ZZEF1: variants seen among roughly 807,000 people sequenced by gnomAD.
ZZEF1 encodes the protein zinc finger ZZ-type and EF-hand domain-containing protein 1.
ZZEF1 carries 157 observed loss-of-function variants against 342.8 expected under a neutral mutation model. The observed-to-expected ratio is 0.46, with a 90% CI of 0.40 to 0.52. The LOEUF is 0.52. Ranked by LOEUF, ZZEF1 falls within the 20% of genes least tolerant of loss-of-function variation. The pLI is 0.00. For missense variants in ZZEF1, 3,480 were observed against 3,725.6 expected (o/e 0.93, Z 1.72); for synonymous variants, 1,505 against 1,429.1 (o/e 1.05, Z -1.20).
Position 4,056,262 on chromosome 17 carries a change from G to C in ZZEF1, c.5249C>G (p.Ala1750Gly). 2 of 1,592,802 alleles carry C rather than the reference G, an allele frequency of 1.3e-6. No homozygotes were observed. The highest frequency in any genetic ancestry group is 1.7e-6 in the Non-Finnish European group (2 of 1,169,494). ...TTCCTGGGCTATTTTTTCATACCAG[G>C]CCTCAAACATGCCATCCTGACACTC... ...MDECQDGMFE[A>G]WYEKIAQEDP... Residue 1750 changes from alanine (A) to glycine (G), a missense_variant, in exon 33 of 55, where the codon GCC (alanine) becomes GGC (glycine). Ala to Gly is a moderately conservative substitution (Grantham distance 60, BLOSUM62 0). This residue lies in a region of ZZEF1 where 175 missense variants were observed against 254.6 expected (regional missense o/e 0.69). Transcript: ENST00000381638.
At chr17:4,104,936 C>A in intron 7 of ZZEF1, 125 bp from the exon 8 acceptor site, 3 of 774,754 alleles carry the variant, frequency 3.9e-6, no homozygotes, top group East Asian at 2.9e-5. Flanking sequence ...CAGGTTTATC[C>A]GAAATATTTT....
intron 54 of ZZEF1, 89 bp from the exon 55 acceptor site, chr17:4,007,059 A>T (rs1392729029): frequency 8.3e-7 from 1 of 1,211,756 alleles, no homozygotes; most frequent in Non-Finnish European, 1.1e-6. Flanking sequence ...AGCACTGAGG[A>T]TGTGGGGACG....
chr17:4,064,854 T>TTAA, intron 28 of ZZEF1, 25 bp from the exon 29 acceptor site: 1 of 1,171,984 alleles, frequency 8.5e-7, no homozygotes. Flanking sequence ...GAATCATAAT[T>TTAA]GAAAAAAAAA....
intron 30 of ZZEF1, among the ~76,000 whole-genome samples, chr17:4,061,600 A>G (rs1209630073): frequency 6.6e-6 from 1 of 152,144 alleles, no homozygotes; most frequent in African/African-American, 2.4e-5. Flanking sequence ...TAACGTGGCC[A>G]AAACAAAACT....
At chr17:4,033,599 T>C (rs2145060757) in intron 40 of ZZEF1, 1 of 184,692 alleles carries the variant, frequency 5.4e-6, no homozygotes, top group South Asian at 1.1e-4. Flanking sequence ...TCCACCAGCC[T>C]CAGCCTCCCA....
chr17:4,087,431 T>C lies in ZZEF1; in HGVS notation c.2342+3A>G. The C allele has an allele frequency of 6.2e-7, 1 of 1,606,316 alleles. No homozygotes were observed. Among genetic ancestry groups the C allele is most frequent in the Non-Finnish European group, 8.5e-7 (1 of 1,176,582 alleles). On this transcript the variant is annotated splice_donor_region_variant and intron_variant, in intron 14 of 54. Coordinates refer to ENST00000381638, the MANE Select transcript of ZZEF1 (RefSeq NM_015113.4). Reference sequence around the variant, plus strand: ...TATCACCTTATAACAAATTCTGACCTACTTTTGCTTTAATTTACTGTAAAA... The same window carrying C: ...TATCACCTTATAACAAATTCTGACCCACTTTTGCTTTAATTTACTGTAAAA...
At chr17:4,041,499 T>C (rs2056803415) in intron 39 of ZZEF1, among the ~76,000 whole-genome samples, 1 of 152,106 alleles carries the variant, frequency 6.6e-6, no homozygotes. Flanking sequence ...TTCCCCAAAG[T>C]CCTGCCAACT....
intron 15 of ZZEF1, among the ~76,000 whole-genome samples, chr17:4,086,053 C>A (rs749959133): frequency 2.0e-5 from 3 of 152,174 alleles, no homozygotes; most frequent in Non-Finnish European, 4.4e-5. Flanking sequence ...CTTGGCAAAG[C>A]CTTAAATAAA....
At chr17:4,129,476 C>T (rs1177357337) in intron 1 of ZZEF1, among the ~76,000 whole-genome samples, 6 of 152,242 alleles carry the variant, frequency 3.9e-5, no homozygotes, top group Non-Finnish European at 7.4e-5. Flanking sequence ...ACGCAATCAA[C>T]CTAAATGCCC....
At chr17:4,094,635 C>T (rs1388992131) in intron 11 of ZZEF1, among the ~76,000 whole-genome samples, 1 of 152,206 alleles carries the variant, frequency 6.6e-6, no homozygotes, top group Non-Finnish European at 1.5e-5. Context: ...ATCTTCCCCA[C>T]AAACCTGTTT....
rs1314800482 is a variant in ZZEF1 at position 4,087,494 on chromosome 17, AG to A, written c.2281del (p.Leu761TrpfsTer18). The A allele has an allele frequency of 6.2e-7, 1 of 1,611,094 alleles. No individual in the cohort carries two copies. Among genetic ancestry groups the A allele is most frequent in the East Asian group, 2.2e-5 (1 of 44,834 alleles). ...CTGCAAATCAAGACCCGCGAAGTCC[AG>A]AAAAGATTTATATTTTAAGCCACTT... is the stretch of plus-strand genomic sequence containing the variant. ...KESGLKYKSFLDFAGLDLQIF... is the reference protein window; with the variant it reads ...KESGLKYKSFXDFAGLDLQIF... On this transcript the variant is annotated frameshift_variant, in exon 14 of 55. Coordinates refer to ENST00000381638, the MANE Select transcript of ZZEF1 (RefSeq NM_015113.4). LOFTEE classifies it high-confidence loss of function.
intron 2 of ZZEF1, among the ~76,000 whole-genome samples, chr17:4,123,303 ATATAT>A (rs1424979653): frequency 2.9e-5 from 4 of 139,564 alleles, no homozygotes; most frequent in African/African-American, 1.1e-4. Flanking sequence ...ATATATATAT[ATATAT>A]ATCAGAAAAA....
intron 53 of ZZEF1, 111 bp downstream of exon 53, chr17:4,009,493 C>A (rs780816506): frequency 6.8e-7 from 1 of 1,471,566 alleles, no homozygotes. Flanking sequence ...TGTGGCCTGT[C>A]GAGACCCTGG....
chr17:4,068,834 T>G (rs767463945), intron 26 of ZZEF1, among the ~76,000 whole-genome samples: 1 of 152,142 alleles, frequency 6.6e-6, no homozygotes, highest in Admixed American at 6.5e-5. Context: ...TCCCCACCCT[T>G]TCTAACCCCA....
intron 1 of ZZEF1, among the ~76,000 whole-genome samples, chr17:4,125,385 T>A (rs1402234335): frequency 1.3e-5 from 2 of 152,168 alleles, no homozygotes; most frequent in African/African-American, 4.8e-5. Context: ...ATGACTAACA[T>A]AAATACCCCT....
At chr17:4,115,305 G>A (rs955141924) in intron 3 of ZZEF1, among the ~76,000 whole-genome samples, 2 of 152,108 alleles carry the variant, frequency 1.3e-5, no homozygotes, top group South Asian at 4.1e-4. Context: ...GGGATTATAG[G>A]CATCAACCAC....
At chr17:4,019,569 C>CGT in intron 46 of ZZEF1, 100 bp downstream of exon 46, 1 of 1,061,692 alleles carries the variant, frequency 9.4e-7, no homozygotes, top group Admixed American at 2.2e-5. Flanking sequence ...CCTGTCGGAG[C>CGT]GTCGATCGAT....
intron 1 of ZZEF1, among the ~76,000 whole-genome samples, chr17:4,133,982 G>A (rs183288134): frequency 1.1e-4 from 16 of 152,094 alleles, no homozygotes; most frequent in African/African-American, 3.1e-4. Flanking sequence ...TGGATTTATC[G>A]GCATAAGCCA....
intron 52 of ZZEF1, among the ~76,000 whole-genome samples, chr17:4,012,631 C>A (rs1189963155): frequency 6.6e-6 from 1 of 152,102 alleles, no homozygotes; most frequent in Non-Finnish European, 1.5e-5. Context: ...GTCTACAATT[C>A]CCAATTCAAC....
Sources: allele counts gnomAD v4.1 joint callset (sites outside exome capture counted in the v4.1 genomes callset), GRCh38; gene constraint gnomAD v4.1.1; regional missense constraint gnomAD v4.1.1; transcripts MANE v1.5; gene names NCBI Gene and HGNC (gene_info 2026-07-23, HGNC 2026-07-21).